Variants in ADGRG3 observed in about 807,000 individuals in gnomAD.
ADGRG3 encodes G protein-coupled receptor 97.
A neutral mutation model predicts 54.3 loss-of-function variants in ADGRG3; 39 were observed. That is an observed-to-expected ratio of 0.72 (90% CI 0.56 to 0.94). ADGRG3 has a LOEUF of 0.94. Ranked by LOEUF, ADGRG3 falls within the 40% of genes least tolerant of loss-of-function variation. ADGRG3 has a pLI of 0.00. For synonymous variants in ADGRG3, 312 were observed against 290.0 expected (o/e 1.08, Z -0.77); for missense variants, 654 against 694.6 (o/e 0.94, Z 0.66).
rs150231580 is a variant in ADGRG3 at position 57,673,384 on chromosome 16, T to A, written c.122T>A (p.Ile41Asn). Reference sequence around the variant, plus strand: ...CTGGGGAGCAACAACATGTACGACATCTTCAACTTGAATGACAAGGCTTTG... The same window carrying A: ...CTGGGGAGCAACAACATGTACGACAACTTCAACTTGAATGACAAGGCTTTG... The part of the protein sequence containing the change: ...TCLGSNNMYD[I>N]FNLNDKALCF... Residue 41 changes from isoleucine (I) to asparagine (N), a missense_variant, in exon 2 of 12, where the codon ATC (isoleucine) becomes AAC (asparagine). Coordinates refer to ENST00000333493, the MANE Select transcript of ADGRG3 (RefSeq NM_170776.5). 414 of 1,613,910 alleles carry A rather than the reference T, an allele frequency of 2.6e-4. 3 individuals are homozygous for A. In the African/African-American group the frequency reaches 5.0e-3, roughly 20 times the overall value.
upstream of ADGRG3, among the ~76,000 whole-genome samples, chr16:57,667,954 T>G (rs1220545184): frequency 6.6e-6 from 1 of 152,136 alleles, no homozygotes; most frequent in Non-Finnish European, 1.5e-5. Context: ...TCCCAGCTTG[T>G]GAGAGGAGGG....
chr16:57,681,328 G>A (rs2048363005), intron 8 of ADGRG3: 1 of 141,230 alleles, frequency 7.1e-6, no homozygotes, highest in Non-Finnish European at 1.5e-5. Flanking sequence ...GTACATTCAT[G>A]TGTGTGTCTG....
In ADGRG3 at chr16:57,680,309, A is replaced by G; in HGVS notation, c.712A>G (p.Arg238Gly). ...WSSEGCSTEV[R>G]PEGTVCCCDH... ...TTCTGAGGGCTGCTCCACGGAGGTC[A>G]GACCTGAGGGGACCGTGTGCTGCTG... The change falls in exon 7 of 12, where the codon AGA becomes GGA. Residue 238 changes from arginine (R) to glycine (G), a missense_variant. Physicochemically the swap from Arg to Gly is moderately radical, Grantham distance 125. Transcript: ENST00000333493. The G allele has an allele frequency of 6.2e-7, 1 of 1,611,340 alleles. No individual in the cohort carries two copies. Among genetic ancestry groups the G allele is most frequent in the South Asian group, 1.1e-5 (1 of 90,960 alleles).
chr16:57,677,523 A>G (rs2048284966), intron 3 of ADGRG3, among the ~76,000 whole-genome samples: 1 of 152,190 alleles, frequency 6.6e-6, no homozygotes. Flanking sequence ...CGGAGGTTGC[A>G]CTGAGCTGAG....
Position 57,677,752 on chromosome 16 carries a change from C to T in ADGRG3, c.346-418C>T, listed in dbSNP as rs575150281. On this transcript the variant is annotated intron_variant, in intron 3 of 11. Coordinates refer to ENST00000333493, the MANE Select transcript of ADGRG3 (RefSeq NM_170776.5). ...GTTCTCTCGCTTCCTGAACTTCCTT[C>T]CTGACGGTTTTATTCTTTCCATTTA... 2.0e-5 allele frequency among the ~76,000 whole-genome samples: 3 copies of T among 152,332 alleles called. No individual in the cohort carries two copies. In the South Asian group the frequency reaches 6.2e-4, roughly 32 times the overall value.
chr16:57,678,122 G>A (rs768282753), intron 3 of ADGRG3, 48 bp from the exon 4 acceptor site: 49 of 1,599,364 alleles, frequency 3.1e-5, no homozygotes, highest in African/African-American at 5.4e-5. Flanking sequence ...GGCAGGACTC[G>A]TGTTGGGGGG....
Position 57,688,356 on chromosome 16 carries a change from C to A in ADGRG3, c.1545C>A (p.Val515=). 1 of 1,608,006 alleles carries A rather than the reference C, an allele frequency of 6.2e-7. No homozygotes were observed. Among genetic ancestry groups the A allele is most frequent in the Non-Finnish European group, 8.5e-7 (1 of 1,174,524 alleles). Residue 515 remains valine (V), a synonymous_variant, in exon 12 of 12, where the codon GTC becomes GTA. Transcript: ENST00000333493. ...IFALFNSLQG[V]FICCWFTILY... is the part of the protein sequence containing the mutation. ...GAGGCCTCTCCTTCCTAACAGGTGT[C>A]TTCATCTGCTGCTGGTTCACCATCC...
chr16:57,678,089 C>T lies in ADGRG3; in HGVS notation c.346-81C>T, dbSNP rs1393641341. The T allele has an allele frequency of 2.9e-5, 46 of 1,561,414 alleles. 1 individual carries two copies. Among genetic ancestry groups the T allele is most frequent in the Non-Finnish European group, 3.2e-5 (37 of 1,144,070 alleles). Reference sequence around the variant, plus strand: ...TGCTGCCCCCTACCCAGTGTGCCTGCTTCCCCTCCCAGCTGGGGGAGTGGC... The same window carrying T: ...TGCTGCCCCCTACCCAGTGTGCCTGTTTCCCCTCCCAGCTGGGGGAGTGGC... On this transcript the variant is annotated intron_variant, in intron 3 of 11. Transcript: ENST00000333493.
At chr16:57,680,390 C>G in intron 7 of ADGRG3, 25 bp downstream of exon 7, 5 of 1,596,318 alleles carry the variant, frequency 3.1e-6, no homozygotes, top group Non-Finnish European at 4.3e-6. Flanking sequence ...CACTCTGATC[C>G]CAGCCATCCC....
In ADGRG3 at chr16:57,680,366, G is replaced by C; in HGVS notation, c.768+1G>C. 6.2e-7 allele frequency: 1 copy of C among 1,611,530 alleles called. No homozygotes were observed. The highest frequency in any genetic ancestry group is 8.5e-7 in the Non-Finnish European group (1 of 1,178,300). ...CCTGACCTTTTTCGCCCTGCTCCTG[G>C]TAACAGCCCCCTCCACTCTGATCCC... On this transcript the variant is annotated splice_donor_variant, in intron 7 of 11. Transcript: ENST00000333493. LOFTEE classifies it high-confidence loss of function.
intron 11 of ADGRG3, among the ~76,000 whole-genome samples, chr16:57,687,855 C>A (rs1305839952): frequency 6.6e-6 from 1 of 152,232 alleles, no homozygotes; most frequent in African/African-American, 2.4e-5. Context: ...CTCTTCCTCT[C>A]CAATACAACA....
chr16:57,679,248 A>T lies in ADGRG3; in HGVS notation c.564A>T (p.Gln188His), dbSNP rs375682655. ...GCCTGGTGGGTTTGAGTGTGGGACA[A>T]ATGCATGTCACCAAGCTGGCTGAGC... ...NNRLVGLSVG[Q>H]MHVTKLAEPL... Residue 188 changes from glutamine to histidine, a missense_variant, in exon 5 of 12, where the codon CAA becomes CAT. By Grantham distance (24) the Gln-to-His change is conservative. Transcript: ENST00000333493. 6.2e-7 allele frequency: 1 copy of T among 1,613,994 alleles called. No individual in the cohort carries two copies. The highest frequency in any genetic ancestry group is 8.5e-7 in the Non-Finnish European group (1 of 1,179,924).
At chr16:57,672,539 G>C (rs1209665842) in intron 1 of ADGRG3, among the ~76,000 whole-genome samples, 1 of 152,128 alleles carries the variant, frequency 6.6e-6, no homozygotes, top group Non-Finnish European at 1.5e-5. Flanking sequence ...AACTTGCAAG[G>C]AATGTATTAT....
rs147994431 is a variant in ADGRG3 at position 57,688,446 on chromosome 16, C to A, written c.1635C>A (p.Ser545=). The A allele has an allele frequency of 1.9e-6, 3 of 1,603,814 alleles. No homozygotes were observed. The highest frequency in any genetic ancestry group is 2.7e-5 in the African/African-American group (2 of 74,788). ...CTGCAAGATTGGACCAGGCCCACTC[C>A]GCATCTCAAGAATAGGAAGGCACGG... ...SSTARLDQAH[S]ASQE The change falls in exon 12 of 12, where the codon TCC becomes TCA. Residue 545 remains serine, a synonymous_variant. Transcript: ENST00000333493.
rs2148707872 is a variant in ADGRG3, at chr16:57,680,513, C to T, written c.777C>T (p.Thr259=). ...LTFFALLLRP[T]LDQSTVHILT... ...TCTGGGGTCACCCACAGAGACCCACCTTGGACCAGTCCACGGTGCATATCC... is the reference window on the plus strand; with the variant it reads ...TCTGGGGTCACCCACAGAGACCCACTTTGGACCAGTCCACGGTGCATATCC... Residue 259 remains threonine, a synonymous_variant, in exon 8 of 12, where the codon ACC becomes ACT. Coordinates refer to ENST00000333493, the MANE Select transcript of ADGRG3 (RefSeq NM_170776.5). The T allele has an allele frequency of 6.2e-7, 1 of 1,613,666 alleles. No individual in the cohort carries two copies. Among genetic ancestry groups the T allele is most frequent in the Non-Finnish European group, 8.5e-7 (1 of 1,179,702 alleles).
At position 57,689,165 on chromosome 16, in the gene ADGRG3, G is replaced by A. The variant is rs1064326; in HGVS notation, c.*704G>A. The A allele has an allele frequency of 0.19, 29,910 of 153,422 alleles. 3,395 individuals carry two copies. Among genetic ancestry groups the A allele is most frequent in the African/African-American group, 0.3 (12,496 of 41,502 alleles). 9.5% of individuals were successfully genotyped at this position (153,422 alleles called of 1,614,324 possible). Reference sequence around the variant, plus strand: ...GCCCGACCTCTGACCTGCTGTCATCGTAGAGGTAGAAAGCAAACAATCTGG... The same window carrying A: ...GCCCGACCTCTGACCTGCTGTCATCATAGAGGTAGAAAGCAAACAATCTGG... On this transcript the variant is annotated 3_prime_UTR_variant, in exon 12 of 12. Transcript: ENST00000333493.
chr16:57,670,227 G>A (rs370912498), intron 1 of ADGRG3, among the ~76,000 whole-genome samples: 16 of 152,216 alleles, frequency 1.1e-4, no homozygotes, highest in African/African-American at 2.9e-4. Flanking sequence ...GAGGAGGGGA[G>A]TGCTATCCCA....
chr16:57,686,871 G>A (rs772205094), intron 11 of ADGRG3: 4 of 152,274 alleles, frequency 2.6e-5, no homozygotes, highest in Non-Finnish European at 4.4e-5. Flanking sequence ...GGCCCCCGCA[G>A]GGCCCTTCCT....
Position 57,679,299 on chromosome 16 carries a change from G to A in ADGRG3, c.615G>A (p.Gln205=). ...AEPLEIVFSH[Q]RPPPNMTLTC... The stretch of plus-strand genomic sequence containing the variant: ...CTCTGGAGATCGTCTTCTCTCACCA[G>A]CGACCGCCCCCTGTGAGTCCCCTGC... Residue 205 remains glutamine (Q), a synonymous_variant, in exon 5 of 12, where the codon CAG becomes CAA. Transcript: ENST00000333493. 1 of 1,613,872 alleles carries A rather than the reference G, an allele frequency of 6.2e-7. No homozygotes were observed. Among genetic ancestry groups the A allele is most frequent in the Non-Finnish European group, 8.5e-7 (1 of 1,179,912 alleles).
Sources: gnomAD v4.1 joint callset for allele counts (sites outside exome capture counted in the v4.1 genomes callset) on GRCh38, gnomAD v4.1.1 for gene constraint, MANE v1.5 for transcripts, NCBI Gene and HGNC (gene_info 2026-07-23, HGNC 2026-07-21) for gene names.